Variants in ANKRD42 observed in about 807,000 individuals in gnomAD.
ANKRD42 encodes the protein ankyrin repeat domain-containing protein 42.
A neutral mutation model predicts 51.5 loss-of-function variants in ANKRD42; 43 were observed. That is an observed-to-expected ratio of 0.83 (90% CI 0.65 to 1.08). ANKRD42 has a LOEUF of 1.08. Ranked by LOEUF, ANKRD42 falls within the 50% of genes least tolerant of loss-of-function variation. ANKRD42 has a pLI of 0.00. For synonymous variants in ANKRD42, 203 were observed against 213.0 expected (o/e 0.95, Z 0.41); for missense variants, 608 against 629.3 (o/e 0.97, Z 0.36).
At chr11:83,245,400 C>G (rs1472234918) in intron 9 of ANKRD42, 98 bp from the exon 10 acceptor site, 2 of 1,299,890 alleles carry the variant, frequency 1.5e-6, no homozygotes, top group Non-Finnish European at 2.1e-6. Flanking sequence ...CATACAGACA[C>G]TAGTCTAGAG....
downstream of ANKRD42, chr11:83,259,928 A>C (rs1166184997): frequency 6.6e-6 from 1 of 152,276 alleles, no homozygotes; most frequent in Non-Finnish European, 1.5e-5. Context: ...CTACTGGGCC[A>C]GGCCTCATCC....
chr11:83,258,485 T>TA (rs1349117796), downstream of ANKRD42, among the ~76,000 whole-genome samples: 2 of 152,092 alleles, frequency 1.3e-5, no homozygotes, highest in Admixed American at 6.5e-5. Flanking sequence ...GATTTGGAGT[T>TA]AAAGACTTGA....
intron 8 of ANKRD42, 143 bp from the exon 9 acceptor site, chr11:83,240,616 C>G: frequency 1.3e-6 from 1 of 766,706 alleles, no homozygotes; most frequent in African/African-American, 1.8e-5. Flanking sequence ...CAAATTGTCA[C>G]TGACCTTCAG....
At chr11:83,222,475 G>A (rs543419018) in intron 5 of ANKRD42, among the ~76,000 whole-genome samples, 1 of 152,234 alleles carries the variant, frequency 6.6e-6, no homozygotes, top group African/African-American at 2.4e-5. Context: ...ATGTAAAGTA[G>A]GAAAGGAGAG....
intron 7 of ANKRD42, among the ~76,000 whole-genome samples, chr11:83,231,058 C>T (rs140945248): frequency 3.9e-5 from 6 of 152,152 alleles, no homozygotes; most frequent in Non-Finnish European, 8.8e-5. Flanking sequence ...CATTTCCTTT[C>T]TTTTGGGCAT....
intron 9 of ANKRD42, among the ~76,000 whole-genome samples, 170 bp downstream of exon 9, chr11:83,241,104 A>G (rs976780919): frequency 3.5e-4 from 53 of 152,236 alleles, no homozygotes; most frequent in African/African-American, 1.3e-3. Flanking sequence ...GTTGTTGAAC[A>G]TATAAAAAGT....
intron 5 of ANKRD42, among the ~76,000 whole-genome samples, chr11:83,222,102 G>A (rs1450696876): frequency 6.6e-6 from 1 of 152,184 alleles, no homozygotes; most frequent in Admixed American, 6.5e-5. Flanking sequence ...TTCTCTTACT[G>A]TCTGCTCTGA....
At chr11:83,217,749 G>A (rs939487570) in intron 5 of ANKRD42, among the ~76,000 whole-genome samples, 1 of 152,212 alleles carries the variant, frequency 6.6e-6, no homozygotes, top group Non-Finnish European at 1.5e-5. Flanking sequence ...CATGGGTGAG[G>A]AGGCGGTTTG....
rs11403803 is a variant in ANKRD42, at chr11:83,228,231, CTTTTTTTTTTTTTTTT to C, written c.913+382_913+397del. On this transcript the variant is annotated intron_variant, in intron 7 of 10. Coordinates refer to ENST00000533342, the MANE Select transcript of ANKRD42 (RefSeq NM_001300975.2). ...AAATAGAAATCATCCCTCTCTCTCT[CTTTTTTTTTTTTTTTT>C]TTTTTTTTTTTTTTTTTTTTTTAGA... Among the ~76,000 whole-genome samples, 29 of 59,022 alleles carry C rather than the reference CTTTTTTTTTTTTTTTT, an allele frequency of 4.9e-4. 2 individuals are homozygous for C. In the East Asian group the frequency reaches 5.1e-3, roughly 10 times the overall value. The allele number at this position is 59,022 out of a possible 152,430, so 38.7% of individuals were successfully genotyped here.
chr11:83,248,018 A>G lies in ANKRD42; in HGVS notation c.1398A>G (p.Glu466=). 3 of 1,611,878 alleles carry G rather than the reference A, an allele frequency of 1.9e-6. No individual in the cohort carries two copies. Among genetic ancestry groups the G allele is most frequent in the Non-Finnish European group, 2.5e-6 (3 of 1,178,832 alleles). ...AAAAATTAGAATGTCAGCTTGATGA[A>G]TATCGAGCAGAAGTTGATCAACTCA... ...RREKLECQLD[E]YRAEVDQLRE... is the part of the protein sequence containing the mutation. The change falls in exon 11 of 11, where the codon GAA becomes GAG. Residue 466 remains glutamate, a synonymous_variant. Transcript: ENST00000533342.
intron 1 of ANKRD42, 71 bp downstream of exon 1, chr11:83,194,799 G>A (rs752013943): frequency 4.9e-5 from 71 of 1,450,028 alleles, no homozygotes; most frequent in Non-Finnish European, 6.4e-5. Flanking sequence ...AACAGCCTTA[G>A]CCCTTTCTGG....
In ANKRD42 at chr11:83,206,176, T is replaced by TA; in HGVS notation, c.330+12dup. 6.3e-7 allele frequency: 1 copy of TA among 1,589,158 alleles called. No homozygotes were observed. Among genetic ancestry groups the TA allele is most frequent in the East Asian group, 2.2e-5 (1 of 44,722 alleles). ...GATGCTTGTGTACAGGTAATAATAT[T>TA]ACTTTTTTCAGTAAGTTCAATTACT... is the stretch of plus-strand genomic sequence containing the variant. On this transcript the variant is annotated intron_variant, in intron 3 of 10. Coordinates refer to ENST00000533342, the MANE Select transcript of ANKRD42 (RefSeq NM_001300975.2).
At chr11:83,243,549 T>C (rs1004585352) in intron 9 of ANKRD42, among the ~76,000 whole-genome samples, 3 of 152,210 alleles carry the variant, frequency 2.0e-5, no homozygotes, top group Non-Finnish European at 4.4e-5. Context: ...TTTCAGTCTT[T>C]TCTGACATTT....
At chr11:83,259,317 T>G (rs1432190367), downstream of ANKRD42, 1 of 152,146 alleles carries the variant, frequency 6.6e-6, no homozygotes, top group Non-Finnish European at 1.5e-5. Context: ...AAAATTTACC[T>G]GAACCCCAGA....
At chr11:83,213,250 C>T in intron 5 of ANKRD42, 1 of 1,598,374 alleles carries the variant, frequency 6.3e-7, no homozygotes, top group East Asian at 2.2e-5. Context: ...TCCACAACAT[C>T]AAGGAGCTGG....
At chr11:83,216,420 GT>G (rs1299427312) in intron 5 of ANKRD42, among the ~76,000 whole-genome samples, 1 of 151,948 alleles carries the variant, frequency 6.6e-6, no homozygotes, top group Non-Finnish European at 1.5e-5. Context: ...ACCCCCTGGG[GT>G]TCACGCCATT....
In ANKRD42 at chr11:83,194,768, C is replaced by A. The variant is rs755030096; in HGVS notation, c.58+40C>A. 21 of 1,528,250 alleles carry A rather than the reference C, an allele frequency of 1.4e-5. No individual in the cohort carries two copies. The Admixed American group carries it at 4.1e-4, about 30-fold the overall frequency. The allele number at this position is 1,528,250 out of a possible 1,614,324, so 94.7% of individuals were successfully genotyped here. On this transcript the variant is annotated intron_variant, in intron 1 of 10. Transcript: ENST00000533342. ...CATTGGCCTTCATCTCTGTCGTATTCCTTTTCTCACTTAAGCCCGCAACAG... is the reference window on the plus strand; with the variant it reads ...CATTGGCCTTCATCTCTGTCGTATTACTTTTCTCACTTAAGCCCGCAACAG...
chr11:83,198,695 T>G (rs1861755782), intron 2 of ANKRD42, 53 bp downstream of exon 2: 2 of 1,486,286 alleles, frequency 1.3e-6, no homozygotes, highest in Non-Finnish European at 1.8e-6. Context: ...TATAACAGTT[T>G]TGTAAATTTA....
intron 7 of ANKRD42, among the ~76,000 whole-genome samples, chr11:83,228,386 AC>A (rs1436113968): frequency 6.7e-6 from 1 of 150,276 alleles, no homozygotes; most frequent in African/African-American, 2.4e-5. Context: ...GTGCCACCAC[AC>A]CCGGCTAATT....
Sources: allele counts gnomAD v4.1 joint callset (sites outside exome capture counted in the v4.1 genomes callset), GRCh38; gene constraint gnomAD v4.1.1; transcripts MANE v1.5; gene names NCBI Gene and HGNC (gene_info 2026-07-23, HGNC 2026-07-21).